CREBBP: variants seen among roughly 807,000 people sequenced by gnomAD.
CREBBP encodes CREB-binding protein.
CREBBP carries 19 observed loss-of-function variants against 265.0 expected under a neutral mutation model. That is an observed-to-expected ratio of 0.07 (90% CI 0.05 to 0.11). CREBBP has a LOEUF of 0.11. Ranked by LOEUF, CREBBP falls within the 10% of genes least tolerant of loss-of-function variation. CREBBP has a pLI of 1.00. For synonymous variants in CREBBP, 1,457 were observed against 1,223.7 expected, an observed-to-expected ratio of 1.19 and a Z score of -3.98; for missense variants, 2,525 against 3,219.0, an observed-to-expected ratio of 0.78 and a Z score of 5.22.
At position 3,731,761 on chromosome 16, in the gene CREBBP, G is replaced by A. The variant is rs751122335; in HGVS notation, c.4890+15C>T. ...CGGCCAGAGGCACGGCTGCAGCACCGCAGCCCACGCCTACCTCCTTGTGCT... is the reference window on the plus strand; with the variant it reads ...CGGCCAGAGGCACGGCTGCAGCACCACAGCCCACGCCTACCTCCTTGTGCT... On this transcript the variant is annotated intron_variant, in intron 29 of 30. Transcript: ENST00000262367. The surrounding 1 kb of genome is among the most constrained non-coding windows in gnomAD (Gnocchi z 7.7). 9.3e-6 allele frequency: 15 copies of A among 1,614,034 alleles called. No homozygotes were observed. In the African/African-American group the frequency reaches 1.5e-4, roughly 16 times the overall value.
At chr16:3,771,834 A>G (rs537136720) in intron 13 of CREBBP, among the ~76,000 whole-genome samples, 3 of 148,100 alleles carry the variant, frequency 2.0e-5, no homozygotes, top group Non-Finnish European at 4.5e-5. Context: ...AAAAAAAGAC[A>G]GAGTCTCGCT....
At chr16:3,824,081 C>G (rs1397350393) in intron 2 of CREBBP, among the ~76,000 whole-genome samples, 1 of 152,114 alleles carries the variant, frequency 6.6e-6, no homozygotes, top group Admixed American at 6.5e-5. Context: ...TCTCCCAAGC[C>G]AAAGGTAAGA....
intron 16 of CREBBP, among the ~76,000 whole-genome samples, chr16:3,759,648 T>C (rs2151387230): frequency 6.6e-6 from 1 of 151,876 alleles, no homozygotes; most frequent in East Asian, 1.9e-4. Flanking sequence ...TAAAGTTTTT[T>C]ATCCTTGGCT....
intron 28 of CREBBP, among the ~76,000 whole-genome samples, chr16:3,733,776 G>C (rs2051979836): frequency 6.6e-6 from 1 of 152,056 alleles, no homozygotes; most frequent in Non-Finnish European, 1.5e-5. Context: ...CAAGTAGCTG[G>C]GACTACAGGC....
At chr16:3,762,480 G>A (rs374585184) in intron 16 of CREBBP, among the ~76,000 whole-genome samples, 3 of 149,608 alleles carry the variant, frequency 2.0e-5, no homozygotes, top group South Asian at 2.1e-4. Context: ...GTGCCTGGCC[G>A]AGGAGAGCAT....
rs755553309 is a variant in CREBBP, at chr16:3,758,931, G to A, written c.3292C>T (p.Leu1098=). 6 of 1,613,142 alleles carry A rather than the reference G, an allele frequency of 3.7e-6. No individual in the cohort carries two copies. The South Asian group carries it at 4.4e-5, about 12-fold the overall frequency. The change falls in exon 17 of 31, where the codon CTA becomes TTA. Residue 1098 remains leucine, a synonymous_variant. Transcript: ENST00000262367. ...EELRQALMPT[L]EALYRQDPES... ...GGGTCCTGTCGATACAGTGCTTCTA[G>A]GGTTGGCATGAGGGCCTGGCGTAAC...
In CREBBP at chr16:3,728,521, G is replaced by A. The variant is rs773651163; in HGVS notation, c.6526C>T (p.Pro2176Ser). ...PQGQALNIMNPGHNPNMASMN... is the reference protein window; with the variant it reads ...PQGQALNIMNSGHNPNMASMN... ...CTCGCCATGTTGGGGTTGTGTCCTGGGTTCATGATGTTCAAGGCCTGGCCC... is the reference window on the plus strand; with the variant it reads ...CTCGCCATGTTGGGGTTGTGTCCTGAGTTCATGATGTTCAAGGCCTGGCCC... The change falls in exon 31 of 31, where the codon CCA becomes TCA. Residue 2176 changes from proline to serine, a missense_variant. Pro to Ser is a moderately conservative substitution (Grantham distance 74, BLOSUM62 -1). Coordinates refer to ENST00000262367, the MANE Select transcript of CREBBP (RefSeq NM_004380.3). The surrounding 1 kb of genome is among the most constrained non-coding windows in gnomAD (Gnocchi z 8.7). 3.7e-6 allele frequency: 6 copies of A among 1,613,920 alleles called. No individual in the cohort carries two copies. In the Admixed American group the frequency reaches 1.0e-4, roughly 27 times the overall value.
intron 4 of CREBBP, among the ~76,000 whole-genome samples, chr16:3,792,358 T>C (rs1026582843): frequency 1.3e-5 from 2 of 152,160 alleles, no homozygotes; most frequent in African/African-American, 4.8e-5. Flanking sequence ...AAACAAAAAC[T>C]ATTCAACCTG....
At chr16:3,768,599 GA>G (rs1341688326) in intron 15 of CREBBP, among the ~76,000 whole-genome samples, 1 of 152,218 alleles carries the variant, frequency 6.6e-6, no homozygotes, top group African/African-American at 2.4e-5. Context: ...TATGAGACAG[GA>G]AGGAGCAGTG....
chr16:3,831,818 A>G (rs1296716), intron 2 of CREBBP, among the ~76,000 whole-genome samples: 148,991 of 152,140 alleles, frequency 0.98, 73,027 homozygotes, highest in Middle Eastern at 1. Flanking sequence ...CCAACATGGC[A>G]AAACCCCTCC....
At chr16:3,779,317 G>A (rs1373885461) in intron 8 of CREBBP, among the ~76,000 whole-genome samples, 1 of 152,200 alleles carries the variant, frequency 6.6e-6, no homozygotes, top group African/African-American at 2.4e-5. Context: ...GGGAAGTACA[G>A]GTGCACACCA....
rs375800423 is a variant in CREBBP, at chr16:3,726,194, C to T, written c.*1524G>A. 5.1e-4 allele frequency: 117 copies of T among 229,528 alleles called. No homozygotes were observed. The highest frequency in any genetic ancestry group is 2.2e-3 in the African/African-American group (96 of 44,228). The allele number at this position is 229,528 out of a possible 1,614,324, so 14.2% of individuals were successfully genotyped here. A position where few individuals can be genotyped will look rare whatever the true frequency, so the allele number is the denominator to read the frequency against. ...TTTGGGGGGAAGTCAGAAAGCACCT[C>T]GCGAGCCTGGAGCACTCTCTGCCTC... On this transcript the variant is annotated 3_prime_UTR_variant, in exon 31 of 31. Coordinates refer to ENST00000262367, the MANE Select transcript of CREBBP (RefSeq NM_004380.3).
Position 3,793,629 on chromosome 16 carries a change from A to G in CREBBP, c.976-3T>C. On this transcript the variant is annotated splice_polypyrimidine_tract_variant and splice_region_variant and intron_variant, in intron 3 of 30. Coordinates refer to ENST00000262367, the MANE Select transcript of CREBBP (RefSeq NM_004380.3). ...CCCACTGATGTTTGCATCTGAGACTAAAATAAAGCAAAATAATAAAAATAC... is the reference window on the plus strand; with the variant it reads ...CCCACTGATGTTTGCATCTGAGACTGAAATAAAGCAAAATAATAAAAATAC... The G allele has an allele frequency of 6.2e-7, 1 of 1,612,288 alleles. No individual in the cohort carries two copies. The highest frequency in any genetic ancestry group is 8.5e-7 in the Non-Finnish European group (1 of 1,179,842).
intron 19 of CREBBP, among the ~76,000 whole-genome samples, chr16:3,753,043 G>A (rs1244492140): frequency 2.0e-5 from 3 of 152,210 alleles, no homozygotes; most frequent in Non-Finnish European, 4.4e-5. Context: ...GTCAGGTAGC[G>A]ACGGCAGCAC....
At chr16:3,849,457 G>GACCT (rs2054774150) in intron 2 of CREBBP, among the ~76,000 whole-genome samples, 1 of 122,308 alleles carries the variant, frequency 8.2e-6, no homozygotes, top group African/African-American at 3.0e-5. Context: ...GTGTGTGTGT[G>GACCT]TGTGTGTGTG....
intron 5 of CREBBP, among the ~76,000 whole-genome samples, chr16:3,785,460 C>T (rs1376919552): frequency 6.6e-6 from 1 of 152,232 alleles, no homozygotes; most frequent in South Asian, 2.1e-4. Flanking sequence ...GAAAATCAGG[C>T]TCATGTCACG....
At chr16:3,738,023 T>C (rs958617757) in intron 26 of CREBBP, among the ~76,000 whole-genome samples, 40 of 151,876 alleles carry the variant, frequency 2.6e-4, no homozygotes, top group Admixed American at 2.6e-4. Context: ...CCTGACCTTG[T>C]GATCCGCCCG....
At chr16:3,860,910 C>T (rs1429774068) in intron 1 of CREBBP, among the ~76,000 whole-genome samples, 1 of 152,042 alleles carries the variant, frequency 6.6e-6, no homozygotes, top group African/African-American at 2.4e-5. Context: ...GAGTACTCAA[C>T]CAAGCCCTGG....
chr16:3,761,533 G>C (rs1020871926), intron 16 of CREBBP: 3 of 518,550 alleles, frequency 5.8e-6, no homozygotes, highest in African/African-American at 5.8e-5. Context: ...CCAAGAACAT[G>C]CCTCAGGGCT....
Sources: gnomAD v4.1 joint callset for allele counts (sites outside exome capture counted in the v4.1 genomes callset) on GRCh38, gnomAD v4.1.1 for gene constraint, Gnocchi (gnomAD v3.1) non-coding constraint, MANE v1.5 for transcripts, NCBI Gene and HGNC (gene_info 2026-07-23, HGNC 2026-07-21) for gene names.